The following RNGTT variants were observed in gnomAD, a reference collection of about 807,000 sequenced individuals.
The protein encoded by RNGTT is RNA guanylyltransferase and 5'-phosphatase, also known as mRNA-capping enzyme.
RNGTT carries 33 observed loss-of-function variants against 79.3 expected under a neutral mutation model. The ratio of observed to expected loss-of-function variants is 0.42; its 90% CI spans 0.32 to 0.56. The LOEUF (loss-of-function observed/expected upper bound fraction) is 0.56. Ranked by LOEUF, RNGTT falls within the 20% of genes least tolerant of loss-of-function variation. The probability of loss-of-function intolerance (pLI) is 0.17; values close to 1 mark genes in which losing one functional copy is unlikely to be tolerated. For missense variants in RNGTT, 497 were observed against 739.1 expected, an observed-to-expected ratio of 0.67 and a Z score of 3.80; for synonymous variants, 222 against 235.9, an observed-to-expected ratio of 0.94 and a Z score of 0.54.
At chr6:88,838,626 A>C (rs1311686800) in intron 11 of RNGTT, among the ~76,000 whole-genome samples, 1 of 152,148 alleles carries the variant, frequency 6.6e-6, no homozygotes, top group Non-Finnish European at 1.5e-5. Context: ...ACATAAAAGA[A>C]AATATATGCC....
At position 88,762,132 on chromosome 6, in the gene RNGTT, T is replaced by C. The variant is rs190939820; in HGVS notation, c.1439+7642A>G. 1.4e-4 allele frequency among the ~76,000 whole-genome samples: 21 copies of C among 152,278 alleles called. No homozygotes were observed. The East Asian group carries it at 3.7e-3, about 27-fold the overall frequency. ...GAGCTTAGGGTAATCAGGTGATAAA[T>C]GGATTACTGGCTCAAGTTTAAATCT... On this transcript the variant is annotated intron_variant, in intron 13 of 15. Coordinates refer to ENST00000369485, the MANE Select transcript of RNGTT (RefSeq NM_003800.5).
At chr6:88,619,173 T>C (rs748426440) in intron 14 of RNGTT, among the ~76,000 whole-genome samples, 1 of 152,098 alleles carries the variant, frequency 6.6e-6, no homozygotes, top group Non-Finnish European at 1.5e-5. Context: ...GATTTTTCTT[T>C]TTTTTTTTCT....
Position 88,811,800 on chromosome 6 carries a change from G to A in RNGTT, c.1270-10168C>T, listed in dbSNP as rs551955800. ...TCTATTCTACTCAGACATCTTCTGA[G>A]CAGATATTCCCACAAAGCCTCAACT... is the stretch of plus-strand genomic sequence containing the variant. On this transcript the variant is annotated intron_variant, in intron 11 of 15. Transcript: ENST00000369485. Among the ~76,000 whole-genome samples the A allele has an allele frequency of 1.4e-3, 209 of 152,224 alleles. 1 individual carries two copies. Among genetic ancestry groups the A allele is most frequent in the African/African-American group, 4.5e-3 (187 of 41,542 alleles).
At chr6:88,796,548 G>T (rs891326401) in intron 12 of RNGTT, among the ~76,000 whole-genome samples, 2 of 152,172 alleles carry the variant, frequency 1.3e-5, no homozygotes, top group African/African-American at 4.8e-5. Flanking sequence ...ATTGTTTGAA[G>T]ATTGGTTGTC....
rs559879619 is a variant in RNGTT, at chr6:88,907,497, T to C, written c.368-1057A>G. 1.1e-4 allele frequency among the ~76,000 whole-genome samples: 17 copies of C among 152,284 alleles called. 1 individual carries two copies. The highest frequency in any genetic ancestry group is 4.1e-4 in the African/African-American group (17 of 41,560). ...GACGTGCCTGTTTCCCCTTCCACCA[T>C]GATTGTAAGTTTTCTGAGGCCTCCC... On this transcript the variant is annotated intron_variant, in intron 4 of 15. Coordinates refer to ENST00000369485, the MANE Select transcript of RNGTT (RefSeq NM_003800.5).
chr6:88,828,608 C>T (rs1780747331), intron 11 of RNGTT, among the ~76,000 whole-genome samples: 1 of 152,028 alleles, frequency 6.6e-6, no homozygotes, highest in African/African-American at 2.4e-5. Context: ...GCTAAAGAAG[C>T]ATGTTCTAAC....
At chr6:88,661,974 A>C (rs1774204314) in intron 14 of RNGTT, among the ~76,000 whole-genome samples, 1 of 152,234 alleles carries the variant, frequency 6.6e-6, no homozygotes, top group Non-Finnish European at 1.5e-5. Flanking sequence ...CATCACTTTC[A>C]AGTGGCTTTC....
chr6:88,962,685 G>A (rs1169725240), intron 1 of RNGTT, among the ~76,000 whole-genome samples: 1 of 151,744 alleles, frequency 6.6e-6, no homozygotes, highest in East Asian at 1.9e-4. Flanking sequence ...GCAGTGAGCC[G>A]AGATCACGCC....
chr6:88,921,850 T>C (rs568321760), intron 4 of RNGTT, among the ~76,000 whole-genome samples: 1 of 152,210 alleles, frequency 6.6e-6, no homozygotes, highest in African/African-American at 2.4e-5. Flanking sequence ...ACTGTTCACA[T>C]AGAACTTACA....
intron 13 of RNGTT, among the ~76,000 whole-genome samples, chr6:88,717,778 T>C (rs911173665): frequency 3.9e-5 from 6 of 152,056 alleles, no homozygotes; most frequent in Admixed American, 6.6e-5. Context: ...CACTCCACTC[T>C]AGCTAACCAC....
chr6:88,913,204 C>CA lies in RNGTT; in HGVS notation c.368-6765dup, dbSNP rs1362127604. 9.9e-3 allele frequency among the ~76,000 whole-genome samples: 530 copies of CA among 53,272 alleles called. 3 individuals are homozygous for CA. Among genetic ancestry groups the CA allele is most frequent in the Middle Eastern group, 0.042 (3 of 72 alleles). 34.9% of individuals were successfully genotyped at this position (53,272 alleles called of 152,430 possible). A position where few individuals can be genotyped will look rare whatever the true frequency, so the allele number is the denominator to read the frequency against. On this transcript the variant is annotated intron_variant, in intron 4 of 15. Coordinates refer to ENST00000369485, the MANE Select transcript of RNGTT (RefSeq NM_003800.5). ...TGGCCAGTAGAGTGAAGCTCTGTCT[C>CA]AAAAAAAAACAAAAAAAAAAAACAA...
chr6:88,836,572 T>C (rs1336547703), intron 11 of RNGTT, among the ~76,000 whole-genome samples: 1 of 151,946 alleles, frequency 6.6e-6, no homozygotes, highest in Non-Finnish European at 1.5e-5. Context: ...TGAAACCCCA[T>C]CTCTACAAAA....
At chr6:88,837,724 C>T (rs914129124) in intron 11 of RNGTT, among the ~76,000 whole-genome samples, 13 of 152,008 alleles carry the variant, frequency 8.6e-5, no homozygotes, top group Admixed American at 4.6e-4. Flanking sequence ...AAATAGTATT[C>T]GATCTATAGT....
chr6:88,773,297 A>C (rs1778756270), intron 12 of RNGTT, among the ~76,000 whole-genome samples: 1 of 135,644 alleles, frequency 7.4e-6, no homozygotes, highest in Admixed American at 8.0e-5. Flanking sequence ...AGGAAGGGGA[A>C]CATCACACTC....
At chr6:88,930,044 A>ATATACATATACATGTATATGCATATG (rs1554165170) in intron 2 of RNGTT, among the ~76,000 whole-genome samples, 23,829 of 143,202 alleles carry the variant, frequency 0.17, 2,309 homozygotes, top group Non-Finnish European at 0.2. Context: ...ATATATGCAT[A>ATATACATATACATGTATATGCATATG]TATACATATA....
intron 13 of RNGTT, among the ~76,000 whole-genome samples, chr6:88,709,637 C>T (rs145771454): frequency 2.6e-5 from 4 of 152,286 alleles, no homozygotes; most frequent in African/African-American, 4.8e-5. Context: ...AACATTATTT[C>T]AACATAGCAA....
chr6:88,658,916 C>T (rs968633804), intron 14 of RNGTT, among the ~76,000 whole-genome samples: 3 of 152,244 alleles, frequency 2.0e-5, no homozygotes, highest in African/African-American at 7.2e-5. Context: ...GAAGGCTGCA[C>T]TGTCAGCTTC....
chr6:88,612,580 C>T lies in RNGTT; in HGVS notation c.*139G>A. ...AGTATTTACAGGCTGGCTACGATAA[C>T]TTTCTTTTTTTAAAAAAAATTCAAA... On this transcript the variant is annotated 3_prime_UTR_variant, in exon 16 of 16. Coordinates refer to ENST00000369485, the MANE Select transcript of RNGTT (RefSeq NM_003800.5). The T allele has an allele frequency of 3.2e-6, 3 of 945,534 alleles. No homozygotes were observed. Among genetic ancestry groups the T allele is most frequent in the Non-Finnish European group, 1.6e-6 (1 of 619,578 alleles). 58.6% of individuals were successfully genotyped at this position (945,534 alleles called of 1,614,324 possible). A position where few individuals can be genotyped will look rare whatever the true frequency, so the allele number is the denominator to read the frequency against.
rs1433765676 is a variant in RNGTT, at chr6:88,940,084, C to CT, written c.174+986dup. Reference sequence around the variant, plus strand: ...AGTTTTTCTTTTTTTTTTTTCTTTTCTTTTTTTTTGAGACAGAGTCTCACT... The same window carrying CT: ...AGTTTTTCTTTTTTTTTTTTCTTTTCTTTTTTTTTTGAGACAGAGTCTCACT... On this transcript the variant is annotated intron_variant, in intron 2 of 15. Coordinates refer to ENST00000369485, the MANE Select transcript of RNGTT (RefSeq NM_003800.5). Among the ~76,000 whole-genome samples the CT allele has an allele frequency of 3.6e-3, 470 of 129,324 alleles. 3 individuals carry two copies. The highest frequency in any genetic ancestry group is 0.013 in the African/African-American group (443 of 34,482). 84.8% of individuals were successfully genotyped at this position (129,324 alleles called of 152,430 possible).
Sources: allele counts gnomAD v4.1 joint callset (sites outside exome capture counted in the v4.1 genomes callset), GRCh38; gene constraint gnomAD v4.1.1; transcripts MANE v1.5; gene names NCBI Gene and HGNC (gene_info 2026-07-23, HGNC 2026-07-21).